The following ELOVL4 variants were observed in gnomAD, a reference collection of about 807,000 sequenced individuals.
ELOVL4 encodes ELOVL fatty acid elongase 4, also known as very long chain fatty acid elongase 4.
A neutral mutation model predicts 42.1 loss-of-function variants in ELOVL4; 18 were observed. That is an observed-to-expected ratio of 0.43 (90% CI 0.30 to 0.63). The LOEUF (loss-of-function observed/expected upper bound fraction) is 0.63, where lower values mean the gene tolerates loss of function less well. Ranked by LOEUF, ELOVL4 falls within the 30% of genes least tolerant of loss-of-function variation. The probability of loss-of-function intolerance (pLI) is 0.15; values close to 1 mark genes in which losing one functional copy is unlikely to be tolerated. For missense variants in ELOVL4, 299 were observed against 376.2 expected (o/e 0.79, Z 1.70); for synonymous variants, 117 against 127.0 (o/e 0.92, Z 0.53).
chr6:79,932,932 GA>G (rs1410341222), intron 1 of ELOVL4, among the ~76,000 whole-genome samples: 1 of 152,142 alleles, frequency 6.6e-6, no homozygotes. Flanking sequence ...CAGACAGGGA[GA>G]AAAGTCTTTT....
chr6:79,921,914 G>GTC, intron 3 of ELOVL4, 118 bp from the exon 4 acceptor site: 1 of 982,920 alleles, frequency 1.0e-6, no homozygotes, highest in South Asian at 1.4e-5. Context: ...ACAAGGCATG[G>GTC]AATCATTAAT....
chr6:79,921,135 A>T (rs140001630), intron 4 of ELOVL4, among the ~76,000 whole-genome samples: 1 of 152,246 alleles, frequency 6.6e-6, no homozygotes, highest in East Asian at 1.9e-4. Flanking sequence ...ACAGATAAAA[A>T]GCAAAAGTTA....
At chr6:79,939,806 G>C (rs928382711) in intron 1 of ELOVL4, among the ~76,000 whole-genome samples, 1 of 152,064 alleles carries the variant, frequency 6.6e-6, no homozygotes, top group East Asian at 1.9e-4. Flanking sequence ...GGCCCAGCCC[G>C]AATTTGACTA....
rs1265629683 is a variant in ELOVL4 at position 79,914,979 on chromosome 6, T to A, written c.*1629A>T. On this transcript the variant is annotated 3_prime_UTR_variant, in exon 6 of 6. Transcript: ENST00000369816. ...AATCCTCTTAGATCAAACTACTTTA[T>A]ATGTTGCAAATTTTCTGTAATTCTC... 1 of 152,586 alleles carries A rather than the reference T, an allele frequency of 6.6e-6. No individual in the cohort carries two copies. Among genetic ancestry groups the A allele is most frequent in the Admixed American group, 6.5e-5 (1 of 15,282 alleles). The allele number at this position is 152,586 out of a possible 1,614,324, so 9.5% of individuals were successfully genotyped here. A position where few individuals can be genotyped will look rare whatever the true frequency, so the allele number is the denominator to read the frequency against.
At chr6:79,935,403 C>G (rs1222292349) in intron 1 of ELOVL4, among the ~76,000 whole-genome samples, 2 of 151,950 alleles carry the variant, frequency 1.3e-5, no homozygotes, top group Non-Finnish European at 2.9e-5. Context: ...ACACCCAAAC[C>G]CCTAGAAGAA....
intron 1 of ELOVL4, among the ~76,000 whole-genome samples, chr6:79,945,287 T>C (rs1774720008): frequency 6.6e-6 from 1 of 152,214 alleles, no homozygotes; most frequent in African/African-American, 2.4e-5. Context: ...AGGTCACTTG[T>C]GTTCTAAGGC....
chr6:79,946,017 T>C (rs1774734175), intron 1 of ELOVL4, among the ~76,000 whole-genome samples: 2 of 152,216 alleles, frequency 1.3e-5, no homozygotes, highest in Admixed American at 6.5e-5. Context: ...ATAAGCCCTA[T>C]GTATCGGACT....
chr6:79,924,985 A>C lies in ELOVL4; in HGVS notation c.336T>G (p.Ser112Arg), dbSNP rs1360351259. ...CATGAACATTATTAGAATAATCCAC[A>C]CTCTGGCAAATATAGCTATATCCCG... ...YNAGYSYICQ[S>R]VDYSNNVHEV... Residue 112 changes from serine to arginine, a missense_variant, in exon 3 of 6, where the codon AGT becomes AGG. Coordinates refer to ENST00000369816, the MANE Select transcript of ELOVL4 (RefSeq NM_022726.4). 1 of 1,606,856 alleles carries C rather than the reference A, an allele frequency of 6.2e-7. No homozygotes were observed. Among genetic ancestry groups the C allele is most frequent in the East Asian group, 2.2e-5 (1 of 44,760 alleles).
At position 79,921,674 on chromosome 6, in the gene ELOVL4, C is replaced by A. The variant is rs267601134; in HGVS notation, c.492G>T (p.Thr164=). ...TTCCAATCCACCACAAGGTAAACATCGTACAGTGATGATACACATGAAGGA... is the reference window on the plus strand; with the variant it reads ...TTCCAATCCACCACAAGGTAAACATAGTACAGTGATGATACACATGAAGGA... ...VSFLHVYHHC[T]MFTLWWIGIK... The change falls in exon 4 of 6, where the codon ACG becomes ACT. Residue 164 remains threonine, a synonymous_variant. Coordinates refer to ENST00000369816, the MANE Select transcript of ELOVL4 (RefSeq NM_022726.4). The A allele has an allele frequency of 1.2e-6, 2 of 1,613,804 alleles. No homozygotes were observed. Among genetic ancestry groups the A allele is most frequent in the African/African-American group, 2.7e-5 (2 of 74,844 alleles).
chr6:79,931,109 G>T (rs1428615717), intron 1 of ELOVL4, among the ~76,000 whole-genome samples: 3 of 152,058 alleles, frequency 2.0e-5, no homozygotes, highest in Non-Finnish European at 4.4e-5. Flanking sequence ...GGGAAAAAAT[G>T]ACACAAATAT....
intron 1 of ELOVL4, among the ~76,000 whole-genome samples, chr6:79,931,473 C>A (rs544713046): frequency 2.0e-5 from 3 of 152,202 alleles, no homozygotes; most frequent in African/African-American, 7.2e-5. Flanking sequence ...AATTTCCCAT[C>A]GATTTTTTTC....
At position 79,916,855 on chromosome 6, in the gene ELOVL4, G is replaced by A. The variant is rs1554162016; in HGVS notation, c.698C>T (p.Thr233Met). Residue 233 changes from threonine (T) to methionine (M), a missense_variant, in exon 6 of 6, where the codon ACG becomes ATG. Physicochemically the swap from Thr to Met is moderately conservative, Grantham distance 81 (BLOSUM62 -1). Transcript: ENST00000369816. ...LIQFHVTIGH[T>M]ALSLYTDCPF... is the part of the protein sequence containing the mutation. ...GCAGTCAGTGTAAAGAGACAGTGCC[G>A]TGTGCCCAATGGTCACATGGAATTG... The A allele has an allele frequency of 6.2e-7, 1 of 1,614,128 alleles. No individual in the cohort carries two copies. Among genetic ancestry groups the A allele is most frequent in the Non-Finnish European group, 8.5e-7 (1 of 1,180,014 alleles).
At chr6:79,924,834 CTAAA>C (rs926942988) in intron 3 of ELOVL4, 114 bp downstream of exon 3, 1 of 711,328 alleles carries the variant, frequency 1.4e-6, no homozygotes, top group African/African-American at 1.8e-5. Context: ...GAAACTGTCT[CTAAA>C]TGAATGTTAA....
chr6:79,933,139 G>A (rs1299783922), intron 1 of ELOVL4, among the ~76,000 whole-genome samples: 1 of 152,186 alleles, frequency 6.6e-6, no homozygotes, highest in African/African-American at 2.4e-5. Flanking sequence ...AAATGACTGT[G>A]ATGATCCCCT....
At chr6:79,938,661 T>C (rs1774589872) in intron 1 of ELOVL4, among the ~76,000 whole-genome samples, 1 of 152,242 alleles carries the variant, frequency 6.6e-6, no homozygotes, top group South Asian at 2.1e-4. Flanking sequence ...ATGTATATAG[T>C]ATATGAATAA....
intron 5 of ELOVL4, 51 bp from the exon 6 acceptor site, chr6:79,916,934 C>A (rs753984032): frequency 6.2e-7 from 1 of 1,608,472 alleles, no homozygotes; most frequent in South Asian, 1.1e-5. Context: ...TAGTAAACAA[C>A]TTTTAACAAC....
rs1452410756 is a variant in ELOVL4, at chr6:79,933,660, G to GT, written c.101-7280dup. On this transcript the variant is annotated intron_variant, in intron 1 of 5. Transcript: ENST00000369816. ...ACTTGTCTACCACTAGACTACCCAT[G>GT]TAAGAATCATGTGCTTGCTAAAATT... Among the ~76,000 whole-genome samples the GT allele has an allele frequency of 5.3e-5, 8 of 152,274 alleles. No individual in the cohort carries two copies. The East Asian group carries it at 1.5e-3, about 29-fold the overall frequency.
At chr6:79,916,923 A>T (rs553356101) in intron 5 of ELOVL4, 40 bp from the exon 6 acceptor site, 4 of 1,612,696 alleles carry the variant, frequency 2.5e-6, no homozygotes, top group East Asian at 4.5e-5. Flanking sequence ...TTTAATCTGA[A>T]TAGTAAACAA....
At chr6:79,946,180 G>A (rs955049827) in intron 1 of ELOVL4, among the ~76,000 whole-genome samples, 13 of 152,114 alleles carry the variant, frequency 8.5e-5, no homozygotes, top group Non-Finnish European at 1.8e-4. Context: ...TACTGCAAAA[G>A]GACCAGAAAA....
Sources: gnomAD v4.1 joint callset for allele counts (sites outside exome capture counted in the v4.1 genomes callset) on GRCh38, gnomAD v4.1.1 for gene constraint, MANE v1.5 for transcripts, NCBI Gene and HGNC (gene_info 2026-07-23, HGNC 2026-07-21) for gene names.